The following HIVEP3 variants were observed in gnomAD, a reference collection of about 807,000 sequenced individuals.
The protein encoded by HIVEP3 is transcription factor HIVEP3.
HIVEP3 carries 49 observed loss-of-function variants against 152.8 expected under a neutral mutation model. The ratio of observed to expected loss-of-function variants is 0.32; its 90% CI spans 0.26 to 0.41. The LOEUF is 0.41. Among genes scored for constraint, HIVEP3 ranks in the 10% least tolerant of loss-of-function variants. The pLI, the probability that HIVEP3 is intolerant of heterozygous loss-of-function variation, is 1.00. For synonymous variants in HIVEP3, 1,269 were observed against 1,289.0 expected (o/e 0.98, Z 0.33); for missense variants, 2,790 against 3,103.3 (o/e 0.90, Z 2.40).
At chr1:41,919,587 C>T (rs143467289), upstream of HIVEP3, among the ~76,000 whole-genome samples, 7 of 152,302 alleles carry the variant, frequency 4.6e-5, no homozygotes, top group South Asian at 2.1e-4. Context: ...AGAGTCTTTA[C>T]GATTCAGACT....
chr1:41,947,491 G>A (rs547943831), intron 1 of HIVEP3, among the ~76,000 whole-genome samples: 31 of 152,308 alleles, frequency 2.0e-4, no homozygotes, highest in South Asian at 4.1e-4. Context: ...GGCTTCTGCC[G>A]AATATGGATT....
chr1:41,737,048 T>A (rs1646929285), intron 1 of HIVEP3, among the ~76,000 whole-genome samples: 3 of 152,148 alleles, frequency 2.0e-5, no homozygotes, highest in Admixed American at 2.0e-4. Context: ...CGAGGTCTTC[T>A]CCGCCCTTTC....
At chr1:41,896,297 T>G (rs2124447406) in intron 1 of HIVEP3, among the ~76,000 whole-genome samples, 1 of 152,330 alleles carries the variant, frequency 6.6e-6, no homozygotes, top group East Asian at 1.9e-4. Flanking sequence ...ATGAGTGAAA[T>G]GTATGGGCAT....
At chr1:41,976,630 TAA>T (rs1421528046) in intron 1 of HIVEP3, among the ~76,000 whole-genome samples, 1 of 152,238 alleles carries the variant, frequency 6.6e-6, no homozygotes, top group Admixed American at 6.5e-5. Context: ...AGACTAAATC[TAA>T]AGTTATTTAT....
intron 1 of HIVEP3, among the ~76,000 whole-genome samples, chr1:42,029,747 T>C (rs922721219): frequency 4.6e-5 from 7 of 152,212 alleles, no homozygotes; most frequent in African/African-American, 1.7e-4. Flanking sequence ...TTAGAATTCA[T>C]AGACATCAAT....
chr1:42,031,788 A>G (rs1645614917), intron 1 of HIVEP3, among the ~76,000 whole-genome samples: 1 of 148,240 alleles, frequency 6.7e-6, no homozygotes, highest in African/African-American at 2.7e-5. Flanking sequence ...GTAAATATAA[A>G]TACTTTGTAA....
At chr1:41,776,385 G>A (rs555716305) in intron 1 of HIVEP3, among the ~76,000 whole-genome samples, 20 of 152,396 alleles carry the variant, frequency 1.3e-4, no homozygotes, top group South Asian at 1.2e-3. Flanking sequence ...GTCCACGCTT[G>A]AGCCAGTGTT....
chr1:41,663,661 C>T (rs776247977), intron 2 of HIVEP3, among the ~76,000 whole-genome samples: 1 of 152,178 alleles, frequency 6.6e-6, no homozygotes, highest in East Asian at 1.9e-4. Flanking sequence ...TGGAGGGAAC[C>T]CCCACCTTCT....
intron 3 of HIVEP3, among the ~76,000 whole-genome samples, chr1:41,616,142 T>C: frequency 6.6e-6 from 1 of 152,076 alleles, no homozygotes; most frequent in East Asian, 1.9e-4. Flanking sequence ...AGCATCATTG[T>C]ACCTGACCAA....
intron 3 of HIVEP3, among the ~76,000 whole-genome samples, chr1:41,608,917 C>CAAAAAAAAAAAA (rs35714997): frequency 8.1e-6 from 1 of 123,548 alleles, no homozygotes; most frequent in African/African-American, 2.9e-5. Flanking sequence ...CTAAAAATAC[C>CAAAAAAAAAAAA]AAAAAAAAAA....
intron 1 of HIVEP3, among the ~76,000 whole-genome samples, chr1:41,709,388 T>A (rs948523618): frequency 6.6e-6 from 1 of 152,142 alleles, no homozygotes; most frequent in African/African-American, 2.4e-5. Context: ...CCGGGTCATG[T>A]CAGGTGGAAG....
At chr1:41,651,517 A>C (rs1272363937) in intron 2 of HIVEP3, among the ~76,000 whole-genome samples, 1 of 152,150 alleles carries the variant, frequency 6.6e-6, no homozygotes, top group African/African-American at 2.4e-5. Flanking sequence ...ATATGTAGGC[A>C]ATGTATTAGG....
In HIVEP3 at chr1:41,511,030, C is replaced by A. The variant is rs1279637961; in HGVS notation, c.6642G>T (p.Leu2214=). The A allele has an allele frequency of 6.2e-7, 1 of 1,613,578 alleles. No homozygotes were observed. The highest frequency in any genetic ancestry group is 2.2e-5 in the East Asian group (1 of 44,852). The part of the protein sequence containing the change: ...QARPGAHPTL[L]PGPTAAWVSG... Reference sequence around the variant, plus strand: ...TGACCCAGGCTGCGGTGGGCCCTGGCAGCAGGGTGGGGTGGGCTCCTGGCC... The same window carrying A: ...TGACCCAGGCTGCGGTGGGCCCTGGAAGCAGGGTGGGGTGGGCTCCTGGCC... The change falls in exon 9 of 9, where the codon CTG becomes CTT. Residue 2214 remains leucine (L), a synonymous_variant. Transcript: ENST00000372583. This position sits in a 1 kb window ranked among gnomAD's most constrained non-coding sequence, Gnocchi z 4.9.
intron 1 of HIVEP3, among the ~76,000 whole-genome samples, chr1:41,992,901 G>C (rs1228214684): frequency 7.5e-6 from 1 of 133,786 alleles, no homozygotes; most frequent in African/African-American, 3.1e-5. Flanking sequence ...AATGGGGAAA[G>C]GATTCCCTAT....
At chr1:41,947,832 T>A (rs1645083639) in intron 1 of HIVEP3, among the ~76,000 whole-genome samples, 1 of 152,230 alleles carries the variant, frequency 6.6e-6, no homozygotes, top group Admixed American at 6.5e-5. Flanking sequence ...AGTCTTAGTA[T>A]CTGAAGCAGT....
intron 2 of HIVEP3, among the ~76,000 whole-genome samples, chr1:41,685,149 C>T (rs923825466): frequency 6.6e-6 from 1 of 152,198 alleles, no homozygotes; most frequent in Non-Finnish European, 1.5e-5. Context: ...CTTGGAGGAA[C>T]ACACAAGAGG....
chr1:41,508,021 G>C lies in HIVEP3; in HGVS notation c.*2430C>G, dbSNP rs967061793. On this transcript the variant is annotated 3_prime_UTR_variant, in exon 9 of 9. Coordinates refer to ENST00000372583, the MANE Select transcript of HIVEP3 (RefSeq NM_024503.5). ...GTGACTGCCGGGCCTCTGCCCTGCC[G>C]GCTGCACTGTTCATTGCTAGGCTGC... The C allele has an allele frequency of 2.6e-5, 4 of 152,268 alleles. No homozygotes were observed. The highest frequency in any genetic ancestry group is 6.5e-5 in the Admixed American group (1 of 15,276). 9.4% of individuals were successfully genotyped at this position (152,268 alleles called of 1,614,324 possible).
At chr1:41,516,662 A>C (rs1642616346) in intron 7 of HIVEP3, among the ~76,000 whole-genome samples, 1 of 152,120 alleles carries the variant, frequency 6.6e-6, no homozygotes, top group African/African-American at 2.4e-5. Context: ...CATGCCCTTC[A>C]GCCCTCAGGC....
chr1:41,967,051 T>G (rs1645202947), intron 1 of HIVEP3, among the ~76,000 whole-genome samples: 1 of 152,062 alleles, frequency 6.6e-6, no homozygotes, highest in Non-Finnish European at 1.5e-5. Flanking sequence ...ATTCATAAAA[T>G]AAGTTCTTAG....
Sources: allele counts gnomAD v4.1 joint callset (sites outside exome capture counted in the v4.1 genomes callset), GRCh38; gene constraint gnomAD v4.1.1; non-coding constraint Gnocchi (gnomAD v3.1); transcripts MANE v1.5; gene names NCBI Gene and HGNC (gene_info 2026-07-23, HGNC 2026-07-21).